ENPP1: variants seen among roughly 807,000 people sequenced by gnomAD.
ENPP1 encodes the protein ectonucleotide pyrophosphatase/phosphodiesterase family member 1.
In ENPP1, 73 loss-of-function variants were observed where a neutral mutation model predicts 122.8. The ratio of observed to expected loss-of-function variants is 0.59; its 90% CI spans 0.49 to 0.72. The LOEUF is 0.72. Among genes scored for constraint, ENPP1 ranks in the 30% least tolerant of loss-of-function variants. The probability of loss-of-function intolerance (pLI) is 0.00; values close to 1 mark genes in which losing one functional copy is unlikely to be tolerated. For missense variants in ENPP1, 978 were observed against 1,128.1 expected (o/e 0.87, Z 1.91); for synonymous variants, 367 against 391.6 (o/e 0.94, Z 0.74).
In ENPP1 at chr6:131,832,787, CTG is replaced by C. The variant is rs1280049730; in HGVS notation, c.241-14986_241-14985del. On this transcript the variant is annotated intron_variant, in intron 1 of 24. Transcript: ENST00000647893. ...GTCTTAGGGCCTCCCCATGTGGTCT[CTG>C]TGCACGGAATGGTTGGGATTCCTCA... 2.0e-5 allele frequency among the ~76,000 whole-genome samples: 3 copies of C among 152,152 alleles called. No homozygotes were observed. The East Asian group carries it at 5.8e-4, about 29-fold the overall frequency.
At chr6:131,832,791 G>T (rs557724317) in intron 1 of ENPP1, among the ~76,000 whole-genome samples, 1 of 152,146 alleles carries the variant, frequency 6.6e-6, no homozygotes, top group African/African-American at 2.4e-5. Context: ...TGGTCTCTGT[G>T]CACGGAATGG....
intron 9 of ENPP1, among the ~76,000 whole-genome samples, chr6:131,863,357 G>A (rs1424796371): frequency 6.6e-6 from 1 of 152,114 alleles, no homozygotes; most frequent in African/African-American, 2.4e-5. Flanking sequence ...ACTTTTTAAT[G>A]GAAGAACCTC....
At chr6:131,866,146 G>A (rs1465766815) in intron 11 of ENPP1, among the ~76,000 whole-genome samples, 1 of 152,124 alleles carries the variant, frequency 6.6e-6, no homozygotes, top group Non-Finnish European at 1.5e-5. Context: ...CATGAAAAAA[G>A]TGAAAAGAGG....
intron 6 of ENPP1, among the ~76,000 whole-genome samples, chr6:131,856,009 A>G (rs994829010): frequency 6.6e-6 from 1 of 152,102 alleles, no homozygotes; most frequent in Non-Finnish European, 1.5e-5. Flanking sequence ...AAACATTAAC[A>G]TCACTCTTTG....
intron 18 of ENPP1, chr6:131,877,897 A>C (rs1317061596): frequency 7.8e-6 from 1 of 128,556 alleles, no homozygotes; most frequent in East Asian, 2.2e-4. Context: ...ATATATATAT[A>C]TAGCAATTTG....
intron 18 of ENPP1, 108 bp from the exon 19 acceptor site, chr6:131,878,434 T>A: frequency 1.3e-6 from 1 of 759,412 alleles, no homozygotes; most frequent in Non-Finnish European, 2.3e-6. Flanking sequence ...AAGACTATCA[T>A]AAATGATCTT....
chr6:131,827,011 G>T (rs1208077696), intron 1 of ENPP1: 2 of 507,930 alleles, frequency 3.9e-6, no homozygotes, highest in African/African-American at 3.9e-5. Flanking sequence ...AGAGATGAAT[G>T]GTCCACATCT....
In ENPP1 at chr6:131,858,366, G is replaced by C. The variant is rs547656076; in HGVS notation, c.716-302G>C. Among the ~76,000 whole-genome samples the C allele has an allele frequency of 7.9e-5, 12 of 152,306 alleles. No homozygotes were observed. In the East Asian group the frequency reaches 2.3e-3, roughly 29 times the overall value. On this transcript the variant is annotated intron_variant, in intron 6 of 24. Coordinates refer to ENST00000647893, the MANE Select transcript of ENPP1 (RefSeq NM_006208.3). ...GATTTAGGTATTTGACCACTAAGTA[G>C]TATCAAAGAACTTACAAGCATCATT...
chr6:131,876,943 T>A (rs1250868292), intron 17 of ENPP1, 49 bp from the exon 18 acceptor site: 4 of 1,557,840 alleles, frequency 2.6e-6, no homozygotes, highest in Non-Finnish European at 3.5e-6. Flanking sequence ...GTCTACTATT[T>A]GTTTGATTTG....
At position 131,847,821 on chromosome 6, in the gene ENPP1, G is replaced by T; in HGVS notation, c.286G>T (p.Gly96Trp). 6.2e-7 allele frequency: 1 copy of T among 1,611,498 alleles called. No homozygotes were observed. Reference sequence around the variant, plus strand: ...AACAACAATACTTGGTTGTATATTTGGGTTGAAACCAAGCTGTGCCAAAGA... The same window carrying T: ...AACAACAATACTTGGTTGTATATTTTGGTTGAAACCAAGCTGTGCCAAAGA... ...VLTTILGCIF[G>W]LKPSCAKEVK... The change falls in exon 2 of 25, where the codon GGG becomes TGG. Residue 96 changes from glycine (G) to tryptophan (W), a missense_variant. Physicochemically the swap from Gly to Trp is radical, Grantham distance 184. Transcript: ENST00000647893.
At chr6:131,882,612 TTA>T (rs1383682984) in intron 21 of ENPP1, 138 bp downstream of exon 21, 8 of 179,948 alleles carry the variant, frequency 4.4e-5, no homozygotes, top group East Asian at 1.8e-4. Context: ...TATATATATA[TTA>T]TATATATAAT....
intron 1 of ENPP1, among the ~76,000 whole-genome samples, chr6:131,809,889 G>A (rs1272183918): frequency 6.6e-6 from 1 of 152,228 alleles, no homozygotes; most frequent in Admixed American, 6.5e-5. Context: ...ACAGCATTCT[G>A]TGTGATGATG....
Position 131,890,817 on chromosome 6 carries a change from G to T in ENPP1, c.*306G>T. On this transcript the variant is annotated 3_prime_UTR_variant, in exon 25 of 25. Coordinates refer to ENST00000647893, the MANE Select transcript of ENPP1 (RefSeq NM_006208.3). Reference sequence around the variant, plus strand: ...TAAAGGAGAAGTAGCTGTGAACATTGTCTGGATACCAGATATTTGAATCTT... The same window carrying T: ...TAAAGGAGAAGTAGCTGTGAACATTTTCTGGATACCAGATATTTGAATCTT... 1 of 376,922 alleles carries T rather than the reference G, an allele frequency of 2.7e-6. No homozygotes were observed. Among genetic ancestry groups the T allele is most frequent in the Non-Finnish European group, 4.9e-6 (1 of 203,902 alleles). 23.3% of individuals were successfully genotyped at this position (376,922 alleles called of 1,614,324 possible).
rs1370801255 is a variant in ENPP1, at chr6:131,808,203, G to T, written c.168G>T (p.Gly56=). Residue 56 remains glycine (G), a synonymous_variant, in exon 1 of 25, where the codon GGG becomes GGT. Coordinates refer to ENST00000647893, the MANE Select transcript of ENPP1 (RefSeq NM_006208.3). ...AASLLAPMDV[G]EEPLEKAARA... ...CCTTGCTGGCCCCTATGGACGTGGG[G>T]GAGGAGCCGCTGGAGAAGGCGGCGC... 1 of 1,511,194 alleles carries T rather than the reference G, an allele frequency of 6.6e-7. No individual in the cohort carries two copies. Among genetic ancestry groups the T allele is most frequent in the Admixed American group, 2.1e-5 (1 of 46,922 alleles). 93.6% of individuals were successfully genotyped at this position (1,511,194 alleles called of 1,614,324 possible).
At chr6:131,815,569 C>T (rs976429815) in intron 1 of ENPP1, among the ~76,000 whole-genome samples, 5 of 152,158 alleles carry the variant, frequency 3.3e-5, no homozygotes, top group Admixed American at 2.6e-4. Context: ...CATCTCCTGC[C>T]CCCATCATAT....
At position 131,811,383 on chromosome 6, in the gene ENPP1, TATATC is replaced by T. The variant is rs1781350708; in HGVS notation, c.240+3109_240+3113del. 3.2e-5 allele frequency among the ~76,000 whole-genome samples: 3 copies of T among 92,394 alleles called. No individual in the cohort carries two copies. The South Asian group carries it at 1.0e-3, about 31-fold the overall frequency. 60.6% of individuals were successfully genotyped at this position (92,394 alleles called of 152,430 possible). ...ATATCTATATCTATATCTATATATC[TATATC>T]TATATCTATATCTATATCTATATCT... On this transcript the variant is annotated intron_variant, in intron 1 of 24. Coordinates refer to ENST00000647893, the MANE Select transcript of ENPP1 (RefSeq NM_006208.3).
intron 24 of ENPP1, among the ~76,000 whole-genome samples, chr6:131,887,711 A>C (rs1585846216): frequency 7.2e-6 from 1 of 139,618 alleles, no homozygotes; most frequent in Admixed American, 7.2e-5. Context: ...GGCGCCCGCC[A>C]CCACACCCGG....
At position 131,880,002 on chromosome 6, in the gene ENPP1, C is replaced by T. The variant is rs199905220; in HGVS notation, c.2068C>T (p.Pro690Ser). The change falls in exon 20 of 25, where the codon CCC (proline) becomes TCC (serine). Residue 690 changes from proline (P) to serine (S), a missense_variant. Physicochemically the swap from Pro to Ser is moderately conservative, Grantham distance 74. Around this residue, in one of 3 missense-constraint regions of ENPP1, gnomAD observed 644 missense variants for 781.5 expected, o/e 0.82. Coordinates refer to ENST00000647893, the MANE Select transcript of ENPP1 (RefSeq NM_006208.3). ...MSGYSQDILM[P>S]LWTSYTVDRN... Reference sequence around the variant, plus strand: ...TGGATACAGCCAAGACATCTTAATGCCCCTTTGGACATCCTATACCGTGGA... The same window carrying T: ...TGGATACAGCCAAGACATCTTAATGTCCCTTTGGACATCCTATACCGTGGA... The T allele has an allele frequency of 1.9e-6, 3 of 1,614,040 alleles. No homozygotes were observed. The highest frequency in any genetic ancestry group is 1.3e-5 in the African/African-American group (1 of 75,046).
In ENPP1 at chr6:131,892,684, T is replaced by C. The variant is rs1040989773; in HGVS notation, c.*2173T>C. On this transcript the variant is annotated 3_prime_UTR_variant, in exon 25 of 25. Transcript: ENST00000647893. Reference sequence around the variant, plus strand: ...CTTAATTAAATGGATAGATGCCTGTTCCCTTTGCTGGATACCAAGAATACA... The same window carrying C: ...CTTAATTAAATGGATAGATGCCTGTCCCCTTTGCTGGATACCAAGAATACA... 4 of 152,124 alleles carry C rather than the reference T, an allele frequency of 2.6e-5. No homozygotes were observed. Among genetic ancestry groups the C allele is most frequent in the African/African-American group, 9.7e-5 (4 of 41,412 alleles). 9.4% of individuals were successfully genotyped at this position (152,124 alleles called of 1,614,324 possible).
Sources: allele counts gnomAD v4.1 joint callset (sites outside exome capture counted in the v4.1 genomes callset), GRCh38; gene constraint gnomAD v4.1.1; regional missense constraint gnomAD v4.1.1; transcripts MANE v1.5; gene names NCBI Gene and HGNC (gene_info 2026-07-23, HGNC 2026-07-21).